The following SENP7 variants were observed in gnomAD, a reference collection of about 807,000 sequenced individuals.
SENP7 encodes the protein sentrin-specific protease 7.
SENP7 carries 64 observed loss-of-function variants against 141.2 expected under a neutral mutation model. The observed-to-expected ratio is 0.45, with a 90% CI of 0.37 to 0.56. The LOEUF is 0.56. SENP7 is among the 20% of genes least tolerant of loss of function. The pLI is 0.00. For missense variants in SENP7, 1,025 were observed against 1,212.2 expected, an observed-to-expected ratio of 0.85 and a Z score of 2.29; for synonymous variants, 382 against 426.4, an observed-to-expected ratio of 0.90 and a Z score of 1.28.
chr3:101,395,521 TTTGGTTACTATAGCC>T (rs2060942346), intron 6 of SENP7, among the ~76,000 whole-genome samples: 2 of 152,322 alleles, frequency 1.3e-5, no homozygotes, highest in South Asian at 4.1e-4. Flanking sequence ...ACCATGCTGT[TTTGGTTACTATAGCC>T]TTGTAATATA....
At chr3:101,415,252 G>A (rs1314430196) in intron 5 of SENP7, among the ~76,000 whole-genome samples, 1 of 152,158 alleles carries the variant, frequency 6.6e-6, no homozygotes, top group Non-Finnish European at 1.5e-5. Flanking sequence ...CCCATTTCTG[G>A]TCATCAAGAT....
At chr3:101,327,999 T>C (rs955265011) in intron 22 of SENP7, among the ~76,000 whole-genome samples, 183 bp from the exon 23 acceptor site, 7 of 152,180 alleles carry the variant, frequency 4.6e-5, no homozygotes, top group African/African-American at 1.7e-4. Context: ...AAAGAAAATA[T>C]GTAATGTGAT....
rs752512013 is a variant in SENP7, at chr3:101,364,916, T to C, written c.1394A>G (p.Asp465Gly). 9 of 1,602,998 alleles carry C rather than the reference T, an allele frequency of 5.6e-6. No individual in the cohort carries two copies. Among genetic ancestry groups the C allele is most frequent in the Non-Finnish European group, 5.1e-6 (6 of 1,174,196 alleles). Reference protein sequence around the residue: ...SEILKLQSKQDRETTNENEST... With the variant: ...SEILKLQSKQGRETTNENEST... ...CTCATTTTCATTAGTTGTCTCACGG[T>C]CTTGCTTAGATTGTAACTTAAGAAT... is the stretch of plus-strand genomic sequence containing the variant. The change falls in exon 10 of 24, where the codon GAC (aspartate) becomes GGC (glycine). Residue 465 changes from aspartate (D) to glycine (G), a missense_variant. Transcript: ENST00000394095.
At chr3:101,470,147 T>G (rs1196223597) in intron 3 of SENP7, among the ~76,000 whole-genome samples, 1 of 152,046 alleles carries the variant, frequency 6.6e-6, no homozygotes, top group Non-Finnish European at 1.5e-5. Flanking sequence ...ATCGACACAC[T>G]AACATCACAA....
intron 6 of SENP7, among the ~76,000 whole-genome samples, chr3:101,388,934 A>G (rs2060734108): frequency 6.6e-6 from 1 of 152,092 alleles, no homozygotes; most frequent in Non-Finnish European, 1.5e-5. Context: ...TTCTGAAAAA[A>G]CAGACACATA....
chr3:101,432,340 G>A (rs1364875591), intron 4 of SENP7, among the ~76,000 whole-genome samples: 23 of 152,046 alleles, frequency 1.5e-4, no homozygotes, highest in Admixed American at 1.5e-3. Flanking sequence ...AGCACTTCTG[G>A]ACTGACCAAG....
intron 4 of SENP7, among the ~76,000 whole-genome samples, chr3:101,438,306 T>C (rs971874120): frequency 1.3e-5 from 2 of 152,232 alleles, no homozygotes; most frequent in Admixed American, 6.5e-5. Flanking sequence ...CTTGAGGACA[T>C]TAAGCTAAGT....
intron 6 of SENP7, among the ~76,000 whole-genome samples, chr3:101,396,452 T>A (rs1179829201): frequency 6.6e-6 from 1 of 152,072 alleles, no homozygotes; most frequent in Non-Finnish European, 1.5e-5. Flanking sequence ...TCTTTTTCTT[T>A]TTTTTTTGCT....
chr3:101,395,316 A>AT (rs1377734513), intron 6 of SENP7, among the ~76,000 whole-genome samples: 7 of 152,080 alleles, frequency 4.6e-5, no homozygotes, highest in Admixed American at 3.9e-4. Flanking sequence ...TCTTGGGTTG[A>AT]TTTTTTATAT....
intron 3 of SENP7, among the ~76,000 whole-genome samples, chr3:101,463,364 A>AATAAATAAATAT (rs1553744606): frequency 1.1e-5 from 1 of 89,222 alleles, no homozygotes; most frequent in East Asian, 3.2e-4. Flanking sequence ...TAAATAAATA[A>AATAAATAAATAT]ATATATATAT....
At chr3:101,393,796 T>C (rs1439331498) in intron 6 of SENP7, among the ~76,000 whole-genome samples, 2 of 152,088 alleles carry the variant, frequency 1.3e-5, no homozygotes, top group Non-Finnish European at 2.9e-5. Flanking sequence ...GGTAGAAAAG[T>C]GTAAGAGGAA....
At chr3:101,429,305 C>T (rs1160567376) in intron 4 of SENP7, among the ~76,000 whole-genome samples, 1 of 152,028 alleles carries the variant, frequency 6.6e-6, no homozygotes, top group Non-Finnish European at 1.5e-5. Flanking sequence ...TTTCACAATA[C>T]TGATTCTTCC....
chr3:101,391,663 A>C (rs79132360), intron 6 of SENP7, among the ~76,000 whole-genome samples: 3,647 of 152,282 alleles, frequency 0.024, 170 homozygotes, highest in African/African-American at 0.084. Flanking sequence ...AATCTTATAG[A>C]GAGGAACTAA....
intron 4 of SENP7, among the ~76,000 whole-genome samples, chr3:101,453,178 A>G (rs1472270502): frequency 3.3e-5 from 5 of 152,214 alleles, no homozygotes; most frequent in Non-Finnish European, 5.9e-5. Flanking sequence ...ACCATCTCAC[A>G]CCAGTTAGAA....
intron 2 of SENP7, among the ~76,000 whole-genome samples, chr3:101,499,660 C>T (rs1408005564): frequency 2.0e-5 from 3 of 152,002 alleles, no homozygotes; most frequent in African/African-American, 4.8e-5. Context: ...CTCAGCCTCC[C>T]GAGTAGCTGG....
rs2061051278 is a variant in SENP7, at chr3:101,398,889, G to C, written c.649C>G (p.Pro217Ala). Residue 217 changes from proline (P) to alanine (A), a missense_variant, in exon 6 of 24, where the codon CCT becomes GCT. Pro to Ala is a conservative substitution (Grantham distance 27). This residue lies in a region of SENP7 where 496 missense variants were observed against 503.5 expected (regional missense o/e 0.99). Coordinates refer to ENST00000394095, the MANE Select transcript of SENP7 (RefSeq NM_020654.5). ...GSLESYQNLN[P>A]HKSCYLSERG... ...TCAGATAAATAACAGCTCTTGTGAG[G>C]GTTTAGATTTTGATAAGATTCTAGG... 1.9e-6 allele frequency: 3 copies of C among 1,608,036 alleles called. No individual in the cohort carries two copies. The highest frequency in any genetic ancestry group is 1.1e-5 in the South Asian group (1 of 89,894).
At chr3:101,383,537 C>G (rs997395607) in intron 6 of SENP7, among the ~76,000 whole-genome samples, 1 of 152,188 alleles carries the variant, frequency 6.6e-6, no homozygotes, top group Admixed American at 6.5e-5. Context: ...CCCATGCCCC[C>G]GCACACTCAG....
chr3:101,407,744 A>G (rs1281019562), intron 5 of SENP7, among the ~76,000 whole-genome samples: 1 of 152,190 alleles, frequency 6.6e-6, no homozygotes. Flanking sequence ...CTGAACAACA[A>G]TAGTGACACA....
chr3:101,469,291 C>T (rs893164282), intron 3 of SENP7, among the ~76,000 whole-genome samples: 2 of 152,110 alleles, frequency 1.3e-5, no homozygotes, highest in Admixed American at 1.3e-4. Context: ...TACACCCCCA[C>T]ACAACAATAA....
Sources: allele counts gnomAD v4.1 joint callset (sites outside exome capture counted in the v4.1 genomes callset), GRCh38; gene constraint gnomAD v4.1.1; regional missense constraint gnomAD v4.1.1; transcripts MANE v1.5; gene names NCBI Gene and HGNC (gene_info 2026-07-23, HGNC 2026-07-21).